Variants in GUCY1A2 observed in about 807,000 individuals in gnomAD.
GUCY1A2 encodes the protein guanylate cyclase 1 soluble subunit alpha 2.
Under a neutral mutation model 63.5 loss-of-function variants are expected in GUCY1A2, and 27 were observed. That is an observed-to-expected ratio of 0.43 (90% confidence interval 0.31 to 0.59). The LOEUF (loss-of-function observed/expected upper bound fraction) is 0.59. Ranked by LOEUF, GUCY1A2 falls within the 20% of genes least tolerant of loss-of-function variation. The pLI, the probability that GUCY1A2 is intolerant of heterozygous loss-of-function variation, is 0.11. For missense variants in GUCY1A2, 768 were observed against 913.3 expected, an observed-to-expected ratio of 0.84 and a Z score of 2.05; for synonymous variants, 364 against 343.5, an observed-to-expected ratio of 1.06 and a Z score of -0.66.
intron 7 of GUCY1A2, among the ~76,000 whole-genome samples, chr11:106,704,561 C>G (rs1862874204): frequency 6.6e-6 from 1 of 152,042 alleles, no homozygotes; most frequent in Non-Finnish European, 1.5e-5. Flanking sequence ...CAGAAAGAAG[C>G]CTTTCACAGT....
rs1309685370 is a variant in GUCY1A2, at chr11:106,788,759, A to G, written c.1693-12177T>C. ...GTTCTCTGTTCTGTTCCACTGGTCA[A>G]TGTGTTGGTCTTTATGCCAGTACCA... On this transcript the variant is annotated intron_variant, in intron 5 of 7. Transcript: ENST00000526355. 7.9e-5 allele frequency among the ~76,000 whole-genome samples: 12 copies of G among 152,164 alleles called. No homozygotes were observed. The East Asian group carries it at 1.2e-3, about 15-fold the overall frequency.
chr11:106,929,410 G>A (rs935100469), intron 4 of GUCY1A2, among the ~76,000 whole-genome samples: 4 of 152,114 alleles, frequency 2.6e-5, no homozygotes, highest in African/African-American at 9.7e-5. Flanking sequence ...AGCTTTGAAA[G>A]AAGAAGAATT....
intron 4 of GUCY1A2, among the ~76,000 whole-genome samples, chr11:106,811,463 T>G (rs537004288): frequency 6.6e-6 from 1 of 152,112 alleles, no homozygotes; most frequent in Non-Finnish European, 1.5e-5. Flanking sequence ...GTTGGGACTG[T>G]GCATCAGTTT....
In GUCY1A2 at chr11:106,771,764, A is replaced by AAT. The variant is rs1591269673; in HGVS notation, c.1836+4674_1836+4675insAT. Among the ~76,000 whole-genome samples, 11 of 152,088 alleles carry AAT rather than the reference A, an allele frequency of 7.2e-5. No individual in the cohort carries two copies. The South Asian group carries it at 2.3e-3, about 32-fold the overall frequency. Reference sequence around the variant, plus strand: ...AAGACCCTGTGTCTTGAGGAAAAAAAACAAGAAAATCAGATTCTCCCTTGG... The same window carrying AAT: ...AAGACCCTGTGTCTTGAGGAAAAAAAATACAAGAAAATCAGATTCTCCCTTGG... On this transcript the variant is annotated intron_variant, in intron 6 of 7. Coordinates refer to ENST00000526355, the MANE Select transcript of GUCY1A2 (RefSeq NM_000855.3).
In GUCY1A2 at chr11:107,017,790, G is replaced by A. The variant is rs777908663; in HGVS notation, c.266C>T (p.Ser89Leu). Residue 89 changes from serine to leucine, a missense_variant, in exon 1 of 8, where the codon TCG becomes TTG. By Grantham distance (145) the Ser-to-Leu change is moderately radical. Around this residue, in one of 3 missense-constraint regions of GUCY1A2, gnomAD observed 496 missense variants for 486.9 expected, o/e 1.02. Transcript: ENST00000526355. The stretch of plus-strand genomic sequence containing the variant: ...CAGGCGGCTGATGCTCTCGCCCAGC[G>A]AGTCCAGGTTGACCCGCCTCCGGCG... ...VQRRRRVNLD[S>L]LGESISRLTA... 2 of 1,427,094 alleles carry A rather than the reference G, an allele frequency of 1.4e-6. No homozygotes were observed. Among genetic ancestry groups the A allele is most frequent in the East Asian group, 2.8e-5 (1 of 35,568 alleles). The allele number at this position is 1,427,094 out of a possible 1,614,324, so 88.4% of individuals were successfully genotyped here.
At chr11:107,008,278 CAAAAAAAAAA>C (rs60060457) in intron 1 of GUCY1A2, among the ~76,000 whole-genome samples, 41,898 of 95,550 alleles carry the variant, frequency 0.44, 6,745 homozygotes, top group Middle Eastern at 0.54. Context: ...GACTCCATCT[CAAAAAAAAAA>C]AAAAAAAAAA....
chr11:106,763,381 C>G (rs914798313), intron 6 of GUCY1A2, among the ~76,000 whole-genome samples: 1 of 151,842 alleles, frequency 6.6e-6, no homozygotes, highest in African/African-American at 2.4e-5. Flanking sequence ...AAAAGGAAGG[C>G]AAACAGTATA....
intron 4 of GUCY1A2, among the ~76,000 whole-genome samples, chr11:106,893,741 C>T (rs1030081560): frequency 2.0e-5 from 3 of 152,046 alleles, no homozygotes; most frequent in African/African-American, 7.2e-5. Flanking sequence ...CTTACTGGAG[C>T]AGCAGCCCAC....
intron 4 of GUCY1A2, among the ~76,000 whole-genome samples, chr11:106,911,933 C>T (rs1330258849): frequency 6.6e-6 from 1 of 151,878 alleles, no homozygotes; most frequent in Non-Finnish European, 1.5e-5. Flanking sequence ...CACTTGCATC[C>T]AATTGTTTGC....
chr11:106,838,774 CT>C (rs919118572), intron 4 of GUCY1A2, among the ~76,000 whole-genome samples: 1 of 151,732 alleles, frequency 6.6e-6, no homozygotes, highest in African/African-American at 2.4e-5. Flanking sequence ...GCATAAATGT[CT>C]TTTTTTTGAG....
At position 106,674,711 on chromosome 11, in the gene GUCY1A2, T is replaced by C. The variant is rs1862316405; in HGVS notation, c.*12838A>G. On this transcript the variant is annotated 3_prime_UTR_variant, in exon 8 of 8. Coordinates refer to ENST00000526355, the MANE Select transcript of GUCY1A2 (RefSeq NM_000855.3). Reference sequence around the variant, plus strand: ...TAAAAGATATTATTCACAAAGTAAATCTAATAACAAAGGAGCAGATATACA... The same window carrying C: ...TAAAAGATATTATTCACAAAGTAAACCTAATAACAAAGGAGCAGATATACA... The C allele has an allele frequency of 5.0e-6, 1 of 198,156 alleles. No individual in the cohort carries two copies. Among genetic ancestry groups the C allele is most frequent in the South Asian group, 1.9e-4 (1 of 5,214 alleles). The allele number at this position is 198,156 out of a possible 1,614,324, so 12.3% of individuals were successfully genotyped here. A position where few individuals can be genotyped will look rare whatever the true frequency, so the allele number is the denominator to read the frequency against.
intron 3 of GUCY1A2, 137 bp downstream of exon 3, chr11:106,978,482 C>T: frequency 1.8e-6 from 1 of 556,118 alleles, no homozygotes; most frequent in African/African-American, 1.9e-5. Flanking sequence ...GAGTTAACAC[C>T]CATCACTTCA....
rs1858972825 is a variant in GUCY1A2, at chr11:106,826,486, G to T, written c.1207-16008C>A. On this transcript the variant is annotated intron_variant, in intron 4 of 7. Transcript: ENST00000526355. ...TTGGTTTAAGATTAGGTTTTCAAAT[G>T]TTTCTTCTAAATCAGTTTCACCAAT... The T allele has an allele frequency of 7.5e-6, 12 of 1,600,918 alleles. No homozygotes were observed. The South Asian group carries it at 9.9e-5, about 13-fold the overall frequency.
At chr11:106,785,297 A>G (rs745751913) in intron 5 of GUCY1A2, among the ~76,000 whole-genome samples, 4 of 152,190 alleles carry the variant, frequency 2.6e-5, no homozygotes, top group South Asian at 4.1e-4. Flanking sequence ...TTCAGGGCAC[A>G]TCCCAAACAA....
At position 106,933,487 on chromosome 11, in the gene GUCY1A2, G is replaced by A. The variant is rs888842145; in HGVS notation, c.1206+5973C>T. 3.9e-5 allele frequency among the ~76,000 whole-genome samples: 6 copies of A among 152,084 alleles called. No individual in the cohort carries two copies. The East Asian group carries it at 5.8e-4, about 15-fold the overall frequency. On this transcript the variant is annotated intron_variant, in intron 4 of 7. Transcript: ENST00000526355. The stretch of plus-strand genomic sequence containing the variant: ...TGTGGAGAAAAGGGAACACTTATAC[G>A]TTGTTGGTGGGACTATAAATTAGTT...
At chr11:106,998,247 T>C (rs181036544) in intron 1 of GUCY1A2, among the ~76,000 whole-genome samples, 28 of 152,272 alleles carry the variant, frequency 1.8e-4, no homozygotes, top group Admixed American at 1.8e-3. Context: ...GTTTGTCTCA[T>C]TACCTAATGG....
Position 106,838,036 on chromosome 11 carries a change from C to A in GUCY1A2, c.1207-27558G>T, listed in dbSNP as rs180869353. The stretch of plus-strand genomic sequence containing the variant: ...TTTCCTCACAGGCTGGAAAAATGTG[C>A]TTTTCTCCAATCCTGCTATGTCTCT... On this transcript the variant is annotated intron_variant, in intron 4 of 7. Coordinates refer to ENST00000526355, the MANE Select transcript of GUCY1A2 (RefSeq NM_000855.3). 1.1e-3 allele frequency among the ~76,000 whole-genome samples: 164 copies of A among 152,034 alleles called. 1 individual carries two copies. The highest frequency in any genetic ancestry group is 3.7e-3 in the African/African-American group (154 of 41,526).
Position 106,880,906 on chromosome 11 carries a change from T to C in GUCY1A2, c.1206+58554A>G, listed in dbSNP as rs183088582. ...GAAATGACAATTTGGGAAATACCAA[T>C]ACAGTAGAAAGGAAGCAGAGAGGAA... On this transcript the variant is annotated intron_variant, in intron 4 of 7. Transcript: ENST00000526355. 6.6e-5 allele frequency among the ~76,000 whole-genome samples: 10 copies of C among 152,274 alleles called. No homozygotes were observed. In the South Asian group the frequency reaches 8.3e-4, roughly 13 times the overall value.
intron 4 of GUCY1A2, among the ~76,000 whole-genome samples, chr11:106,855,244 G>C (rs1859413260): frequency 6.6e-6 from 1 of 152,106 alleles, no homozygotes; most frequent in South Asian, 2.1e-4. Flanking sequence ...TGGCTCTCTT[G>C]TGGCTAGTAT....
Sources: allele counts gnomAD v4.1 joint callset (sites outside exome capture counted in the v4.1 genomes callset), GRCh38; gene constraint gnomAD v4.1.1; regional missense constraint gnomAD v4.1.1; transcripts MANE v1.5; gene names NCBI Gene and HGNC (gene_info 2026-07-23, HGNC 2026-07-21).